Variants in GSK3B observed in about 807,000 individuals in gnomAD.
The protein encoded by GSK3B is glycogen synthase kinase-3 beta.
GSK3B carries 15 observed loss-of-function variants against 56.4 expected under a neutral mutation model. The ratio of observed to expected loss-of-function variants is 0.27; its 90% CI spans 0.18 to 0.41. The LOEUF is 0.41. GSK3B is among the 10% of genes least tolerant of loss of function. The pLI is 1.00. For synonymous variants in GSK3B, 181 were observed against 188.9 expected (o/e 0.96, Z 0.34); for missense variants, 300 against 513.4 (o/e 0.58, Z 4.02).
intron 9 of GSK3B, among the ~76,000 whole-genome samples, chr3:119,858,415 G>A (rs557775341): frequency 1.8e-4 from 28 of 152,292 alleles, no homozygotes; most frequent in Admixed American, 2.6e-4. Context: ...GCTTCACCTT[G>A]CACTTGAATG....
At chr3:119,864,719 T>C (rs765244147) in intron 8 of GSK3B, among the ~76,000 whole-genome samples, 4 of 152,242 alleles carry the variant, frequency 2.6e-5, no homozygotes, top group African/African-American at 4.8e-5. Flanking sequence ...TGTTCACTTA[T>C]GCTGACAGTT....
At chr3:119,931,769 G>A (rs959732660) in intron 3 of GSK3B, among the ~76,000 whole-genome samples, 4 of 152,136 alleles carry the variant, frequency 2.6e-5, no homozygotes, top group Non-Finnish European at 4.4e-5. Context: ...ACTGGCAAAA[G>A]AGTCAATGCC....
rs1380017832 is a variant in GSK3B, at chr3:119,824,526, C to G, written c.*2262G>C. 2 of 214,900 alleles carry G rather than the reference C, an allele frequency of 9.3e-6. No individual in the cohort carries two copies. Among genetic ancestry groups the G allele is most frequent in the Non-Finnish European group, 1.9e-5 (2 of 106,444 alleles). 13.3% of individuals were successfully genotyped at this position (214,900 alleles called of 1,614,324 possible). On this transcript the variant is annotated 3_prime_UTR_variant, in exon 11 of 11. Transcript: ENST00000264235. ...CCAAACGCTTGCTGGGCAGTTGGAT[C>G]TGAATGCAGGTCCATTTCTCTATCA...
At chr3:119,893,124 C>T (rs2056522357) in intron 7 of GSK3B, among the ~76,000 whole-genome samples, 1 of 152,058 alleles carries the variant, frequency 6.6e-6, no homozygotes, top group Non-Finnish European at 1.5e-5. Context: ...TCTTGTGCCT[C>T]AGCCTCCTGA....
intron 1 of GSK3B, among the ~76,000 whole-genome samples, chr3:120,053,623 G>T (rs2058169065): frequency 6.6e-6 from 1 of 152,140 alleles, no homozygotes; most frequent in Admixed American, 6.5e-5. Context: ...ACATTAAACG[G>T]CCCCTGAATG....
chr3:119,866,092 A>C (rs1171895638), intron 8 of GSK3B, among the ~76,000 whole-genome samples: 1 of 152,214 alleles, frequency 6.6e-6, no homozygotes. Context: ...TATCTCCCAC[A>C]GTTCAGATTT....
At chr3:119,933,737 C>G (rs2107477100) in intron 3 of GSK3B, among the ~76,000 whole-genome samples, 1 of 152,214 alleles carries the variant, frequency 6.6e-6, no homozygotes, top group Admixed American at 6.5e-5. Flanking sequence ...ATTAGCCAGG[C>G]ATGGTGGCAG....
chr3:119,918,991 T>A (rs528361872), intron 4 of GSK3B, among the ~76,000 whole-genome samples: 1 of 152,250 alleles, frequency 6.6e-6, no homozygotes, highest in Non-Finnish European at 1.5e-5. Context: ...AAAAAATGCA[T>A]CCAACTCTCT....
intron 9 of GSK3B, among the ~76,000 whole-genome samples, chr3:119,862,524 T>TAAAAAAAAA (rs5852229): frequency 8.9e-6 from 1 of 111,886 alleles, no homozygotes; most frequent in African/African-American, 3.5e-5. Flanking sequence ...TAGAGTATAA[T>TAAAAAAAAA]AAAAAAAAAA....
chr3:120,019,757 A>C (rs1031465503), intron 1 of GSK3B, among the ~76,000 whole-genome samples: 2 of 151,962 alleles, frequency 1.3e-5, no homozygotes, highest in African/African-American at 2.4e-5. Context: ...TCTACGCCTG[A>C]CCTCCCTCTG....
At chr3:119,946,041 T>C (rs1049729089) in intron 3 of GSK3B, among the ~76,000 whole-genome samples, 13 of 150,842 alleles carry the variant, frequency 8.6e-5, no homozygotes, top group Admixed American at 5.3e-4. Context: ...CTAATACTTA[T>C]GAGGGTTCAC....
intron 2 of GSK3B, among the ~76,000 whole-genome samples, chr3:119,954,452 A>G (rs2107499510): frequency 6.6e-6 from 1 of 152,298 alleles, no homozygotes; most frequent in African/African-American, 2.4e-5. Flanking sequence ...TCGGGCTGCA[A>G]TGTTAAAATG....
At chr3:119,922,208 GGGAAGGAAGGAAGGAAGGAGGGAA>G (rs1490200048) in intron 4 of GSK3B, among the ~76,000 whole-genome samples, 1 of 99,306 alleles carries the variant, frequency 1.0e-5, no homozygotes, top group South Asian at 3.5e-4. Flanking sequence ...TAGGGAAGGA[GGGAAGGAAGGAAGGAAGGAGGGAA>G]GGAAGGAAGG....
intron 2 of GSK3B, among the ~76,000 whole-genome samples, chr3:119,997,793 A>G (rs1006321709): frequency 1.3e-5 from 2 of 152,340 alleles, no homozygotes; most frequent in Admixed American, 6.5e-5. Context: ...TCCAATGTAT[A>G]TATGGTAACA....
chr3:119,862,918 G>A (rs2056127846), intron 9 of GSK3B, among the ~76,000 whole-genome samples: 1 of 152,030 alleles, frequency 6.6e-6, no homozygotes, highest in Non-Finnish European at 1.5e-5. Flanking sequence ...GTCTCAGAGG[G>A]GATGGAAATT....
intron 6 of GSK3B, among the ~76,000 whole-genome samples, chr3:119,910,726 C>T (rs1008906796): frequency 6.6e-6 from 1 of 152,200 alleles, no homozygotes. Context: ...ATTAGAACCA[C>T]TTTCAAAATG....
At chr3:120,083,926 A>T (rs1229281389) in intron 1 of GSK3B, among the ~76,000 whole-genome samples, 2 of 152,242 alleles carry the variant, frequency 1.3e-5, no homozygotes, top group Non-Finnish European at 2.9e-5. Context: ...AGAACAGGCA[A>T]ATCTATAAAG....
chr3:119,835,001 G>A (rs1577303718), intron 10 of GSK3B, among the ~76,000 whole-genome samples: 1 of 152,154 alleles, frequency 6.6e-6, no homozygotes, highest in Non-Finnish European at 1.5e-5. Flanking sequence ...AATCTCATTG[G>A]TGTCAGTGAA....
intron 9 of GSK3B, among the ~76,000 whole-genome samples, chr3:119,851,228 C>T (rs951280966): frequency 6.6e-6 from 1 of 152,126 alleles, no homozygotes; most frequent in Admixed American, 6.5e-5. Flanking sequence ...ATCCATTTAA[C>T]TAAATTTTGC....
Sources: gnomAD v4.1 joint callset for allele counts (sites outside exome capture counted in the v4.1 genomes callset) on GRCh38, gnomAD v4.1.1 for gene constraint, MANE v1.5 for transcripts, NCBI Gene and HGNC (gene_info 2026-07-23, HGNC 2026-07-21) for gene names.